Variants in CMTR1 observed in about 807,000 individuals in gnomAD.
CMTR1 encodes cap-specific mRNA (nucleoside-2'-O-)-methyltransferase 1.
A neutral mutation model predicts 107.0 loss-of-function variants in CMTR1; 39 were observed. The observed-to-expected ratio is 0.36, with a 90% CI of 0.28 to 0.48. The LOEUF (loss-of-function observed/expected upper bound fraction) is 0.48. Ranked by LOEUF, CMTR1 falls within the 20% of genes least tolerant of loss-of-function variation. The pLI is 0.99. For missense variants in CMTR1, 672 were observed against 1,064.9 expected (o/e 0.63, Z 5.14); for synonymous variants, 366 against 379.5 (o/e 0.96, Z 0.41).
At chr6:37,478,673 G>A in intron 22 of CMTR1, 152 bp downstream of exon 22, 1 of 650,240 alleles carries the variant, frequency 1.5e-6, no homozygotes, top group Non-Finnish European at 2.7e-6. Context: ...TATGTTAGGG[G>A]ACAGTGTTCC....
At chr6:37,447,948 C>T (rs547260517) in intron 4 of CMTR1, among the ~76,000 whole-genome samples, 7 of 151,552 alleles carry the variant, frequency 4.6e-5, no homozygotes, top group South Asian at 2.1e-4. Context: ...TGGTGGCTCA[C>T]GCCTGTAACC....
rs778930980 is a variant in CMTR1, at chr6:37,453,096, G to A, written c.659G>A (p.Arg220Gln). 2.5e-6 allele frequency: 4 copies of A among 1,614,138 alleles called. No individual in the cohort carries two copies. The highest frequency in any genetic ancestry group is 2.5e-6 in the Non-Finnish European group (3 of 1,180,018). The change falls in exon 7 of 24, where the codon CGG (arginine) becomes CAG (glutamine). Residue 220 changes from arginine to glutamine, a missense_variant. By Grantham distance (43) the Arg-to-Gln change is conservative. Transcript: ENST00000373451. ...DGEEMRRART[R>Q]ANPYEMIRGV... ...GAAGAGATGCGGCGAGCTCGGACTC[G>A]GGCCAATCCCTATGAGATGATCCGA... is the stretch of plus-strand genomic sequence containing the variant.
At chr6:37,477,340 A>T (rs901819652) in intron 20 of CMTR1, among the ~76,000 whole-genome samples, 3 of 152,170 alleles carry the variant, frequency 2.0e-5, no homozygotes, top group Non-Finnish European at 2.9e-5. Flanking sequence ...TGTCTTCAGT[A>T]TCCAGTTTCA....
At chr6:37,450,677 G>A (rs1430587315) in intron 5 of CMTR1, among the ~76,000 whole-genome samples, 1 of 152,268 alleles carries the variant, frequency 6.6e-6, no homozygotes, top group East Asian at 1.9e-4. Flanking sequence ...CATTGTCCCT[G>A]CCCTCAGAAA....
intron 20 of CMTR1, among the ~76,000 whole-genome samples, chr6:37,476,509 G>A (rs1215751488): frequency 2.0e-5 from 3 of 152,142 alleles, no homozygotes; most frequent in African/African-American, 7.2e-5. Context: ...CACATTACCT[G>A]GCCTTTTAAT....
upstream of CMTR1, among the ~76,000 whole-genome samples, chr6:37,429,135 AT>A (rs549630943): frequency 9.2e-4 from 139 of 151,606 alleles, no homozygotes; most frequent in Middle Eastern, 6.8e-3. Context: ...CTTTTCATTG[AT>A]CTATCTTCAA....
chr6:37,459,469 C>T, intron 9 of CMTR1, 97 bp from the exon 10 acceptor site: 1 of 972,580 alleles, frequency 1.0e-6, no homozygotes, highest in Non-Finnish European at 1.7e-6. Context: ...GTTCTTGAGA[C>T]ACCTGATGCC....
At position 37,459,599 on chromosome 6, in the gene CMTR1, C is replaced by A. The variant is rs746177112; in HGVS notation, c.1010C>A (p.Thr337Asn). 20 of 1,614,066 alleles carry A rather than the reference C, an allele frequency of 1.2e-5. No individual in the cohort carries two copies. The highest frequency in any genetic ancestry group is 1.6e-5 in the Non-Finnish European group (19 of 1,180,034). ...EGGIDGDGDITRPENISAFRN... is the reference protein window; with the variant it reads ...EGGIDGDGDINRPENISAFRN... The stretch of plus-strand genomic sequence containing the variant: ...GGGATTGATGGAGATGGAGATATCA[C>A]CCGCCCAGAGAACATCTCTGCTTTT... Residue 337 changes from threonine (T) to asparagine (N), a missense_variant, in exon 10 of 24, where the codon ACC becomes AAC. This residue lies in a region of CMTR1 where 583 missense variants were observed against 968.4 expected (regional missense o/e 0.60). Coordinates refer to ENST00000373451, the MANE Select transcript of CMTR1 (RefSeq NM_015050.3).
chr6:37,447,495 G>A (rs931183336), intron 4 of CMTR1, among the ~76,000 whole-genome samples: 6 of 152,190 alleles, frequency 3.9e-5, no homozygotes, highest in Non-Finnish European at 8.8e-5. Flanking sequence ...GTCTTCATTC[G>A]TGTTAAAACA....
intron 14 of CMTR1, 51 bp downstream of exon 14, chr6:37,471,128 C>T: frequency 6.7e-7 from 1 of 1,481,668 alleles, no homozygotes; most frequent in Admixed American, 2.2e-5. Context: ...GAAGATCTTG[C>T]TTTTCCTCCC....
Position 37,453,102 on chromosome 6 carries a change from A to G in CMTR1, c.665A>G (p.Asn222Ser), listed in dbSNP as rs1413888574. ...ATGCGGCGAGCTCGGACTCGGGCCA[A>G]TCCCTATGAGATGATCCGAGGAGTC... ...EEMRRARTRA[N>S]PYEMIRGVFF... The change falls in exon 7 of 24, where the codon AAT (asparagine) becomes AGT (serine). Residue 222 changes from asparagine to serine, a missense_variant. By Grantham distance (46) the Asn-to-Ser change is conservative. Around this residue, in one of 2 missense-constraint regions of CMTR1, gnomAD observed 583 missense variants for 968.4 expected, o/e 0.60. Coordinates refer to ENST00000373451, the MANE Select transcript of CMTR1 (RefSeq NM_015050.3). The G allele has an allele frequency of 3.1e-6, 5 of 1,614,042 alleles. No homozygotes were observed. The highest frequency in any genetic ancestry group is 4.2e-6 in the Non-Finnish European group (5 of 1,180,042).
At chr6:37,424,881 G>A in the CMTR1 span, among the ~76,000 whole-genome samples, 181 of 149,964 alleles carry the variant, frequency 1.2e-3, no homozygotes, top group South Asian at 2.5e-3. Context: ...TTGAAGGGCA[G>A]ATTCAGTGGT....
chr6:37,461,198 C>A (rs1477883040), intron 10 of CMTR1, among the ~76,000 whole-genome samples: 1 of 152,196 alleles, frequency 6.6e-6, no homozygotes, highest in Non-Finnish European at 1.5e-5. Flanking sequence ...TTGTGGTTGA[C>A]CTCTGACTAG....
intron 17 of CMTR1, 133 bp downstream of exon 17, chr6:37,473,734 G>T: frequency 9.2e-7 from 1 of 1,087,442 alleles, no homozygotes; most frequent in South Asian, 1.6e-5. Context: ...CCTAGTGAAG[G>T]TATTTCTTGA....
At chr6:37,428,008 CAGAG>C in the CMTR1 span, among the ~76,000 whole-genome samples, 6,049 of 114,640 alleles carry the variant, frequency 0.053, 121 homozygotes, top group East Asian at 0.075. Context: ...GCAACAGAGA[CAGAG>C]AGAGAGAGAG....
chr6:37,431,048 G>A (rs372905027), upstream of CMTR1, among the ~76,000 whole-genome samples: 290 of 148,214 alleles, frequency 2.0e-3, 1 homozygote, highest in Non-Finnish European at 3.3e-3. Flanking sequence ...TTCAAAGTTC[G>A]TGTTTCCCTA....
At position 37,474,500 on chromosome 6, in the gene CMTR1, C is replaced by G. The variant is rs377475544; in HGVS notation, c.1822-24C>G. The G allele has an allele frequency of 1.6e-4, 257 of 1,613,098 alleles. 1 individual carries two copies. The highest frequency in any genetic ancestry group is 2.1e-4 in the Non-Finnish European group (251 of 1,179,606). On this transcript the variant is annotated intron_variant, in intron 17 of 23. Transcript: ENST00000373451. The stretch of plus-strand genomic sequence containing the variant: ...CCCTCGATCTCCATGCCTTCCTTAC[C>G]TGGCTGTTTCTCTCTGCCTGTAGAA...
chr6:37,448,068 G>A (rs554834847), intron 4 of CMTR1, among the ~76,000 whole-genome samples: 63 of 151,788 alleles, frequency 4.2e-4, no homozygotes, highest in Admixed American at 2.1e-3. Flanking sequence ...AAAATTAGCC[G>A]GGCATGGTGG....
chr6:37,428,016 G>GAGAC, the CMTR1 span, among the ~76,000 whole-genome samples: 1 of 80,824 alleles, frequency 1.2e-5, no homozygotes, highest in South Asian at 3.3e-4. Flanking sequence ...GACAGAGAGA[G>GAGAC]AGAGAGAGAG....
Sources: gnomAD v4.1 joint callset for allele counts (sites outside exome capture counted in the v4.1 genomes callset) on GRCh38, gnomAD v4.1.1 for gene constraint, gnomAD v4.1.1 regional missense constraint, MANE v1.5 for transcripts, NCBI Gene and HGNC (gene_info 2026-07-23, HGNC 2026-07-21) for gene names.